The following ERBB4 variants were observed in gnomAD, a reference collection of about 807,000 sequenced individuals.
The protein encoded by ERBB4 is receptor tyrosine-protein kinase erbB-4.
Under a neutral mutation model 158.0 loss-of-function variants are expected in ERBB4, and 42 were observed. The observed-to-expected ratio is 0.27, with a 90% CI of 0.21 to 0.34. The LOEUF is 0.34. Among genes scored for constraint, ERBB4 ranks in the 10% least tolerant of loss-of-function variants. The pLI, the probability that ERBB4 is intolerant of heterozygous loss-of-function variation, is 1.00. For synonymous variants in ERBB4, 583 were observed against 558.7 expected (o/e 1.04, Z -0.61); for missense variants, 1,333 against 1,624.1 (o/e 0.82, Z 3.08).
At chr2:212,228,535 A>T (rs2083552750) in intron 1 of ERBB4, among the ~76,000 whole-genome samples, 1 of 152,218 alleles carries the variant, frequency 6.6e-6, no homozygotes, top group African/African-American at 2.4e-5. Flanking sequence ...GAACATTTTT[A>T]TGGGACTATT....
intron 1 of ERBB4, among the ~76,000 whole-genome samples, chr2:212,365,675 T>C (rs1234727584): frequency 6.6e-6 from 1 of 151,924 alleles, no homozygotes; most frequent in Non-Finnish European, 1.5e-5. Flanking sequence ...TAAATCTGAC[T>C]CTTCCATAAT....
chr2:212,241,365 A>T (rs2084098718), intron 1 of ERBB4, among the ~76,000 whole-genome samples: 2 of 152,208 alleles, frequency 1.3e-5, no homozygotes, highest in South Asian at 4.1e-4. Context: ...TTTATATAAC[A>T]TCTATATATA....
chr2:212,247,363 A>G (rs1288138811), intron 1 of ERBB4, among the ~76,000 whole-genome samples: 1 of 152,220 alleles, frequency 6.6e-6, no homozygotes, highest in Non-Finnish European at 1.5e-5. Flanking sequence ...TTTTCAAAAA[A>G]AATTACTGCT....
chr2:211,507,058 G>C (rs565006867), intron 20 of ERBB4, among the ~76,000 whole-genome samples: 1 of 151,812 alleles, frequency 6.6e-6, no homozygotes, highest in Non-Finnish European at 1.5e-5. Flanking sequence ...TGTAAAATAC[G>C]ATCAGAGATT....
intron 2 of ERBB4, among the ~76,000 whole-genome samples, chr2:212,118,335 A>G (rs1239078307): frequency 4.6e-5 from 7 of 152,164 alleles, no homozygotes; most frequent in Non-Finnish European, 1.0e-4. Context: ...CTTTATTGTA[A>G]CAAAACTGTG....
chr2:211,792,465 A>G (rs2076296983), intron 3 of ERBB4, among the ~76,000 whole-genome samples: 1 of 151,872 alleles, frequency 6.6e-6, no homozygotes, highest in Non-Finnish European at 1.5e-5. Context: ...CTGATAATAT[A>G]CAATATTACT....
chr2:211,547,550 T>C (rs2066975690), intron 20 of ERBB4, among the ~76,000 whole-genome samples: 1 of 152,004 alleles, frequency 6.6e-6, no homozygotes, highest in African/African-American at 2.4e-5. Context: ...ACCTCTACAG[T>C]TTTAGAAACA....
chr2:212,505,054 T>G (rs970704207), intron 1 of ERBB4, among the ~76,000 whole-genome samples: 4 of 152,086 alleles, frequency 2.6e-5, no homozygotes, highest in East Asian at 1.9e-4. Context: ...AATATACAAC[T>G]GTTTGTTTCT....
chr2:211,922,270 G>A (rs2079876305), intron 3 of ERBB4, among the ~76,000 whole-genome samples: 1 of 152,034 alleles, frequency 6.6e-6, no homozygotes, highest in Non-Finnish European at 1.5e-5. Context: ...ATAAATGTAA[G>A]GAAGTTTTAA....
intron 1 of ERBB4, among the ~76,000 whole-genome samples, chr2:212,345,265 CA>C (rs367985477): frequency 5.7e-4 from 44 of 77,658 alleles, no homozygotes; most frequent in Admixed American, 6.5e-4. Context: ...GACTCCGTCT[CA>C]AAAAAAAAAA....
rs555517341 is a variant in ERBB4 at position 211,430,362 on chromosome 2, T to C, written c.2643+583A>G. On this transcript the variant is annotated intron_variant, in intron 21 of 27. Transcript: ENST00000342788. ...AAAGTCAAGCTAAAGAGAAGGTTAA[T>C]GAGGAAATACAAGACATGGGACTAA... 1.6e-3 allele frequency among the ~76,000 whole-genome samples: 244 copies of C among 152,136 alleles called. 2 individuals are homozygous for C. The highest frequency in any genetic ancestry group is 5.6e-3 in the African/African-American group (234 of 41,504).
intron 1 of ERBB4, among the ~76,000 whole-genome samples, chr2:212,341,320 A>T (rs563827936): frequency 6.6e-6 from 1 of 152,092 alleles, no homozygotes; most frequent in Non-Finnish European, 1.5e-5. Context: ...TTTCATAGAA[A>T]TCTAGTAACT....
At chr2:211,473,784 G>A (rs1189801108) in intron 20 of ERBB4, among the ~76,000 whole-genome samples, 1 of 151,968 alleles carries the variant, frequency 6.6e-6, no homozygotes, top group Non-Finnish European at 1.5e-5. Context: ...AACCCAAAAT[G>A]TGGTACAGTA....
At chr2:211,763,080 T>G (rs6435667) in intron 4 of ERBB4, among the ~76,000 whole-genome samples, 145,264 of 152,232 alleles carry the variant, frequency 0.95, 69,342 homozygotes, top group East Asian at 1. Context: ...TCTGGAGACA[T>G]GAGAACGGTT....
intron 1 of ERBB4, among the ~76,000 whole-genome samples, chr2:212,373,138 T>C (rs2090145489): frequency 6.6e-6 from 1 of 152,200 alleles, no homozygotes; most frequent in Non-Finnish European, 1.5e-5. Flanking sequence ...TCAGATTCTC[T>C]GTAAATCATT....
intron 1 of ERBB4, among the ~76,000 whole-genome samples, chr2:212,301,875 A>G (rs1197629286): frequency 8.6e-5 from 13 of 151,486 alleles, no homozygotes; most frequent in Admixed American, 8.6e-4. Flanking sequence ...TTTTTAAAAT[A>G]AAAACATAAA....
intron 1 of ERBB4, among the ~76,000 whole-genome samples, chr2:212,435,961 T>C (rs1180779987): frequency 1.3e-5 from 2 of 151,824 alleles, no homozygotes; most frequent in African/African-American, 4.8e-5. Context: ...TTCCCAGATA[T>C]GCCAGGGGTT....
chr2:211,698,658 G>C lies in ERBB4; in HGVS notation c.1489+3309C>G, dbSNP rs115118529. Among the ~76,000 whole-genome samples, 686 of 151,916 alleles carry C rather than the reference G, an allele frequency of 4.5e-3. 6 individuals carry two copies. Among genetic ancestry groups the C allele is most frequent in the African/African-American group, 0.015 (638 of 41,462 alleles). On this transcript the variant is annotated intron_variant, in intron 12 of 27. Transcript: ENST00000342788. ...TGAATTTATCTCTTATTCATGTTGG[G>C]TTTAACAGTATCTGTATAAATATTT...
At chr2:212,479,780 C>G (rs148984549) in intron 1 of ERBB4, among the ~76,000 whole-genome samples, 1 of 151,990 alleles carries the variant, frequency 6.6e-6, no homozygotes, top group Admixed American at 6.6e-5. Context: ...TTGGTGGAAA[C>G]CATTAGCTCT....
Sources: gnomAD v4.1 joint callset for allele counts (sites outside exome capture counted in the v4.1 genomes callset) on GRCh38, gnomAD v4.1.1 for gene constraint, MANE v1.5 for transcripts, NCBI Gene and HGNC (gene_info 2026-07-23, HGNC 2026-07-21) for gene names.